The following BSND variants were observed in gnomAD, a reference collection of about 807,000 sequenced individuals.
BSND encodes barttin.
A neutral mutation model predicts 18.8 loss-of-function variants in BSND; 13 were observed. The ratio of observed to expected loss-of-function variants is 0.69; its 90% CI spans 0.45 to 1.10. The LOEUF (loss-of-function observed/expected upper bound fraction) is 1.10, where lower values mean the gene tolerates loss of function less well. Ranked by LOEUF, BSND falls within the 50% of genes least tolerant of loss-of-function variation. BSND has a pLI of 0.00. For missense variants in BSND, 379 were observed against 416.7 expected (o/e 0.91, Z 0.79); for synonymous variants, 170 against 161.8 (o/e 1.05, Z -0.39).
chr1:55,015,229 G>A lies in BSND; in HGVS notation c.*6601G>A, dbSNP rs1644443824. On this transcript the variant is annotated 3_prime_UTR_variant, in exon 4 of 4. Coordinates refer to ENST00000651561, the MANE Select transcript of BSND (RefSeq NM_057176.3). The stretch of plus-strand genomic sequence containing the variant: ...GGATTTCATTCTCAACCTGCCCTGT[G>A]AAAGGTTTTTTCCACTCATGTCACT... Among the ~76,000 whole-genome samples, 1 of 152,230 alleles carries A rather than the reference G, an allele frequency of 6.6e-6. No individual in the cohort carries two copies. Among genetic ancestry groups the A allele is most frequent in the Non-Finnish European group, 1.5e-5 (1 of 68,034 alleles).
At position 55,013,337 on chromosome 1, in the gene BSND, AT is replaced by A. The variant is rs1385728539; in HGVS notation, c.*4714del. Among the ~76,000 whole-genome samples, 2 of 151,912 alleles carry A rather than the reference AT, an allele frequency of 1.3e-5. No homozygotes were observed. The highest frequency in any genetic ancestry group is 4.8e-5 in the African/African-American group (2 of 41,338). On this transcript the variant is annotated 3_prime_UTR_variant, in exon 4 of 4. Transcript: ENST00000651561. The stretch of plus-strand genomic sequence containing the variant: ...TGCCACCACACCCAGCTAATTTTGT[AT>A]TTTTAATAGAGATGAGGTTTCATCA...
chr1:55,006,148 C>T (rs1390599322), intron 2 of BSND, among the ~76,000 whole-genome samples: 12 of 152,196 alleles, frequency 7.9e-5, no homozygotes, highest in African/African-American at 2.9e-4. Flanking sequence ...GCGTTTTCTG[C>T]CCCTGGCACC....
rs1430184398 is a variant in BSND, at chr1:55,016,214, C to CGGAGAGAGAGAGACAGAT, written c.*7604_*7621dup. ...GTCTGAAAGAGGTTACAGTTCCTAACGGAGAGAGAGAGACAGATGGAGAGA... is the reference window on the plus strand; with the variant it reads ...GTCTGAAAGAGGTTACAGTTCCTAACGGAGAGAGAGAGACAGATGGAGAGAGAGAGACAGATGGAGAGA... On this transcript the variant is annotated 3_prime_UTR_variant, in exon 4 of 4. Transcript: ENST00000651561. 1.3e-5 allele frequency among the ~76,000 whole-genome samples: 2 copies of CGGAGAGAGAGAGACAGAT among 151,596 alleles called. No individual in the cohort carries two copies. Among genetic ancestry groups the CGGAGAGAGAGAGACAGAT allele is most frequent in the Admixed American group, 6.6e-5 (1 of 15,232 alleles).
At position 55,012,011 on chromosome 1, in the gene BSND, T is replaced by G. The variant is rs1644424429; in HGVS notation, c.*3383T>G. Among the ~76,000 whole-genome samples, 2 of 152,136 alleles carry G rather than the reference T, an allele frequency of 1.3e-5. No individual in the cohort carries two copies. The highest frequency in any genetic ancestry group is 4.1e-4 in the South Asian group (2 of 4,826). Reference sequence around the variant, plus strand: ...TGTGCCAGGGTGAAAATTCCTGCTCTTGGTCACTCTCCTGTCAGGTTGGAG... The same window carrying G: ...TGTGCCAGGGTGAAAATTCCTGCTCGTGGTCACTCTCCTGTCAGGTTGGAG... On this transcript the variant is annotated 3_prime_UTR_variant, in exon 4 of 4. Transcript: ENST00000651561.
chr1:55,007,043 T>G lies in BSND; in HGVS notation c.319T>G (p.Tyr107Asp), dbSNP rs1294823325. The G allele has an allele frequency of 5.6e-6, 9 of 1,614,140 alleles. No homozygotes were observed. Among genetic ancestry groups the G allele is most frequent in the Non-Finnish European group, 7.6e-6 (9 of 1,180,038 alleles). ...TGTAAGGCTGTGGGAGGAAGCCGCC[T>G]ATGACCAGAGCCTGCCTGACTTCAG... is the stretch of plus-strand genomic sequence containing the variant. ...PYVRLWEEAA[Y>D]DQSLPDFSHI... The change falls in exon 3 of 4, where the codon TAT becomes GAT. Residue 107 changes from tyrosine (Y) to aspartate (D), a missense_variant. By Grantham distance (160) the Tyr-to-Asp change is radical. Transcript: ENST00000651561.
intron 2 of BSND, 130 bp from the exon 3 acceptor site, chr1:55,006,867 C>A: frequency 7.4e-7 from 1 of 1,349,016 alleles, no homozygotes; most frequent in Non-Finnish European, 1.0e-6. Flanking sequence ...GAAACGGGCG[C>A]AGTAACATCC....
At chr1:55,006,968 C>T (rs768334805) in intron 2 of BSND, 29 bp from the exon 3 acceptor site, 1 of 1,613,218 alleles carries the variant, frequency 6.2e-7, no homozygotes, top group Admixed American at 1.7e-5. Flanking sequence ...TGACTCTTTG[C>T]CGCCTGCCTG....
Position 55,011,315 on chromosome 1 carries a change from C to G in BSND, c.*2687C>G, listed in dbSNP as rs573481789. The G allele has an allele frequency of 4.6e-5, 7 of 152,090 alleles. No individual in the cohort carries two copies. The highest frequency in any genetic ancestry group is 1.7e-4 in the African/African-American group (7 of 41,320). The allele number at this position is 152,090 out of a possible 1,614,324, so 9.4% of individuals were successfully genotyped here. Reference sequence around the variant, plus strand: ...GCCTCTGCTAAGTTATTAGGAGGCCCCTTTCACGCTCGAAGATACCTCATT... The same window carrying G: ...GCCTCTGCTAAGTTATTAGGAGGCCGCTTTCACGCTCGAAGATACCTCATT... On this transcript the variant is annotated 3_prime_UTR_variant, in exon 4 of 4. Coordinates refer to ENST00000651561, the MANE Select transcript of BSND (RefSeq NM_057176.3).
At chr1:55,006,516 G>A (rs899640866) in intron 2 of BSND, among the ~76,000 whole-genome samples, 2 of 152,196 alleles carry the variant, frequency 1.3e-5, no homozygotes, top group South Asian at 2.1e-4. Flanking sequence ...AGGGTTAGAT[G>A]AGCCAACTAA....
Position 55,007,044 on chromosome 1 carries a change from A to G in BSND, c.320A>G (p.Tyr107Cys). 3.7e-6 allele frequency: 6 copies of G among 1,614,150 alleles called. No individual in the cohort carries two copies. Among genetic ancestry groups the G allele is most frequent in the Non-Finnish European group, 5.1e-6 (6 of 1,180,036 alleles). The change falls in exon 3 of 4, where the codon TAT (tyrosine) becomes TGT (cysteine). Residue 107 changes from tyrosine to cysteine, a missense_variant. By Grantham distance (194) the Tyr-to-Cys change is radical. Transcript: ENST00000651561. The part of the protein sequence containing the change: ...PYVRLWEEAA[Y>C]DQSLPDFSHI... Reference sequence around the variant, plus strand: ...GTAAGGCTGTGGGAGGAAGCCGCCTATGACCAGAGCCTGCCTGACTTCAGC... The same window carrying G: ...GTAAGGCTGTGGGAGGAAGCCGCCTGTGACCAGAGCCTGCCTGACTTCAGC...
rs1054713360 is a variant in BSND, at chr1:55,011,667, G to C, written c.*3039G>C. 2.0e-5 allele frequency: 3 copies of C among 152,236 alleles called. No homozygotes were observed. The highest frequency in any genetic ancestry group is 4.4e-5 in the Non-Finnish European group (3 of 68,062). 9.4% of individuals were successfully genotyped at this position (152,236 alleles called of 1,614,324 possible). A position where few individuals can be genotyped will look rare whatever the true frequency, so the allele number is the denominator to read the frequency against. On this transcript the variant is annotated 3_prime_UTR_variant, in exon 4 of 4. Coordinates refer to ENST00000651561, the MANE Select transcript of BSND (RefSeq NM_057176.3). ...GGGCCAGTGCTCAGTGGCTTGGCGAGGGTTTAAGAAGCAGGCCTTTGCTCT... is the reference window on the plus strand; with the variant it reads ...GGGCCAGTGCTCAGTGGCTTGGCGACGGTTTAAGAAGCAGGCCTTTGCTCT...
rs1225063784 is a variant in BSND, at chr1:55,015,791, G to T, written c.*7163G>T. ...CTAACTGCAGAGTGAACAGTGACAG[G>T]TCAGTGCTGAGCAGAGGGAAGCACG... is the stretch of plus-strand genomic sequence containing the variant. On this transcript the variant is annotated 3_prime_UTR_variant, in exon 4 of 4. Coordinates refer to ENST00000651561, the MANE Select transcript of BSND (RefSeq NM_057176.3). 6.6e-6 allele frequency among the ~76,000 whole-genome samples: 1 copy of T among 152,210 alleles called. No individual in the cohort carries two copies. The highest frequency in any genetic ancestry group is 2.4e-5 in the African/African-American group (1 of 41,440).
intron 1 of BSND, among the ~76,000 whole-genome samples, chr1:55,000,466 G>A (rs1644356037): frequency 6.6e-6 from 1 of 151,026 alleles, no homozygotes; most frequent in South Asian, 2.1e-4. Context: ...GGGGGGGGTG[G>A]GAAAGGGGGT....
intron 1 of BSND, among the ~76,000 whole-genome samples, chr1:55,002,743 T>C (rs145365106): frequency 4.6e-5 from 7 of 152,250 alleles, no homozygotes; most frequent in African/African-American, 1.4e-4. Flanking sequence ...GATGATATGA[T>C]GGTGATAATG....
rs1381347581 is a variant in BSND at position 54,999,035 on chromosome 1, G to A, written c.-152G>A. ...AACTGGTGGGCCCAGGGACTGGAGC[G>A]GGATTGAAAGGGATCTTGCTCTCCC... is the stretch of plus-strand genomic sequence containing the variant. On this transcript the variant is annotated 5_prime_UTR_variant, in exon 1 of 4. Transcript: ENST00000651561. 20 of 888,056 alleles carry A rather than the reference G, an allele frequency of 2.3e-5. No homozygotes were observed. In the Admixed American group the frequency reaches 3.1e-4, roughly 14 times the overall value. 55.0% of individuals were successfully genotyped at this position (888,056 alleles called of 1,614,324 possible). A position where few individuals can be genotyped will look rare whatever the true frequency, so the allele number is the denominator to read the frequency against.
rs376582654 is a variant in BSND at position 55,008,431 on chromosome 1, G to A, written c.766G>A (p.Gly256Arg). The change falls in exon 4 of 4, where the codon GGG becomes AGG. Residue 256 changes from glycine (G) to arginine (R), a missense_variant. Gly to Arg is a moderately radical substitution (Grantham distance 125, BLOSUM62 -2). Coordinates refer to ENST00000651561, the MANE Select transcript of BSND (RefSeq NM_057176.3). Reference sequence around the variant, plus strand: ...AACGTTGGAGGATGAGCCCCAAGAGGGGCAGCAGTGGGAAATAGCCCTGCC... The same window carrying A: ...AACGTTGGAGGATGAGCCCCAAGAGAGGCAGCAGTGGGAAATAGCCCTGCC... ...APTLEDEPQE[G>R]QQWEIALPNN... is the part of the protein sequence containing the mutation. 8.1e-6 allele frequency: 13 copies of A among 1,614,082 alleles called. No individual in the cohort carries two copies. The African/African-American group carries it at 1.5e-4, about 18-fold the overall frequency.
chr1:54,999,738 G>A (rs567100945), intron 1 of BSND, among the ~76,000 whole-genome samples: 1 of 152,296 alleles, frequency 6.6e-6, no homozygotes, highest in South Asian at 2.1e-4. Context: ...AAGCCTTTTG[G>A]TGCTTTCTGT....
intron 1 of BSND, among the ~76,000 whole-genome samples, chr1:55,003,981 A>G (rs1644376300): frequency 6.6e-6 from 1 of 152,338 alleles, no homozygotes; most frequent in Middle Eastern, 3.4e-3. Flanking sequence ...CTAAAACTCT[A>G]TACCCATTAA....
At position 55,014,033 on chromosome 1, in the gene BSND, C is replaced by G. The variant is rs897095370; in HGVS notation, c.*5405C>G. The stretch of plus-strand genomic sequence containing the variant: ...CCCTCTCCTCCGAATCCCTCCTAAA[C>G]TGTGTGCCCCGCTCTGTCCCCAGCA... On this transcript the variant is annotated 3_prime_UTR_variant, in exon 4 of 4. Transcript: ENST00000651561. 1.3e-5 allele frequency among the ~76,000 whole-genome samples: 2 copies of G among 152,214 alleles called. No homozygotes were observed. Among genetic ancestry groups the G allele is most frequent in the African/African-American group, 4.8e-5 (2 of 41,460 alleles).
Sources: allele counts gnomAD v4.1 joint callset (sites outside exome capture counted in the v4.1 genomes callset), GRCh38; gene constraint gnomAD v4.1.1; transcripts MANE v1.5; gene names NCBI Gene and HGNC (gene_info 2026-07-23, HGNC 2026-07-21).